PLCB1: variants seen among roughly 807,000 people sequenced by gnomAD.
PLCB1 encodes the protein phospholipase C beta 1.
Under a neutral mutation model 161.8 loss-of-function variants are expected in PLCB1, and 46 were observed. The observed-to-expected ratio is 0.28, with a 90% CI of 0.22 to 0.36. The LOEUF is 0.36. Among genes scored for constraint, PLCB1 ranks in the 10% least tolerant of loss-of-function variants. The pLI is 1.00. For missense variants in PLCB1, 1,016 were observed against 1,472.5 expected, an observed-to-expected ratio of 0.69 and a Z score of 5.07; for synonymous variants, 517 against 503.7, an observed-to-expected ratio of 1.03 and a Z score of -0.35.
In PLCB1 at chr20:8,883,145, T is replaced by C. The variant is rs2146339388; in HGVS notation, c.*1296T>C. ...GCAAGATCAAAAATTAGATGTTAAG[T>C]ATCAGATTTTAAGCTTGTTTTAATG... is the stretch of plus-strand genomic sequence containing the variant. On this transcript the variant is annotated 3_prime_UTR_variant, in exon 32 of 32. Coordinates refer to ENST00000338037, the MANE Select transcript of PLCB1 (RefSeq NM_015192.4). 1 of 152,322 alleles carries C rather than the reference T, an allele frequency of 6.6e-6. No individual in the cohort carries two copies. The highest frequency in any genetic ancestry group is 2.4e-5 in the African/African-American group (1 of 41,574). 9.4% of individuals were successfully genotyped at this position (152,322 alleles called of 1,614,324 possible). A position where few individuals can be genotyped will look rare whatever the true frequency, so the allele number is the denominator to read the frequency against.
intron 31 of PLCB1, among the ~76,000 whole-genome samples, chr20:8,800,481 A>G (rs890943423): frequency 6.6e-6 from 1 of 152,160 alleles, no homozygotes; most frequent in African/African-American, 2.4e-5. Context: ...ATTTATACAG[A>G]CACACGAACA....
chr20:8,283,136 C>T (rs1982953520), intron 2 of PLCB1, among the ~76,000 whole-genome samples: 1 of 152,138 alleles, frequency 6.6e-6, no homozygotes, highest in Non-Finnish European at 1.5e-5. Context: ...TCTGGACATT[C>T]CCAGAAGTGA....
At chr20:8,222,075 A>G (rs1979443650) in intron 2 of PLCB1, among the ~76,000 whole-genome samples, 1 of 152,196 alleles carries the variant, frequency 6.6e-6, no homozygotes. Context: ...TTACACCTAC[A>G]TACTTTCTGA....
At chr20:8,526,935 A>G in intron 3 of PLCB1, among the ~76,000 whole-genome samples, 1 of 130,706 alleles carries the variant, frequency 7.7e-6, no homozygotes, top group African/African-American at 2.8e-5. Context: ...CTTTTAATAA[A>G]GAGCAGAGCA....
intron 31 of PLCB1, among the ~76,000 whole-genome samples, chr20:8,846,099 T>C (rs149791984): frequency 1.3e-3 from 194 of 152,340 alleles, no homozygotes; most frequent in African/African-American, 4.5e-3. Context: ...TAATTGGCTC[T>C]GCAGCCTGTA....
intron 2 of PLCB1, among the ~76,000 whole-genome samples, chr20:8,332,670 C>T (rs1431558641): frequency 1.3e-5 from 2 of 152,200 alleles, no homozygotes; most frequent in Non-Finnish European, 2.9e-5. Context: ...TAGTCAGACT[C>T]TAGTGACAGT....
chr20:8,344,708 T>G (rs1985934770), intron 2 of PLCB1, among the ~76,000 whole-genome samples: 2 of 152,182 alleles, frequency 1.3e-5, no homozygotes. Flanking sequence ...AACCAGATCC[T>G]AAACTCAATC....
At chr20:8,784,834 A>G (rs1017823830) in intron 27 of PLCB1, among the ~76,000 whole-genome samples, 2 of 152,158 alleles carry the variant, frequency 1.3e-5, no homozygotes, top group African/African-American at 4.8e-5. Context: ...CACCAAACCT[A>G]TATAATTTTA....
intron 3 of PLCB1, among the ~76,000 whole-genome samples, chr20:8,457,714 G>GCACACACACACACA (rs145581916): frequency 4.8e-5 from 7 of 145,768 alleles, no homozygotes; most frequent in African/African-American, 1.3e-4. Flanking sequence ...ATGTGTGCGC[G>GCACACACACACACA]CACACACACA....
intron 3 of PLCB1, among the ~76,000 whole-genome samples, chr20:8,523,496 C>CTCTCTCTCTCTCTCTCTCTATA: frequency 9.1e-4 from 47 of 51,636 alleles, no homozygotes; most frequent in Non-Finnish European, 1.5e-3. Flanking sequence ...CTCTCTCTCT[C>CTCTCTCTCTCTCTCTCTCTATA]TATATATATA....
chr20:8,655,571 G>A (rs1017615721), intron 7 of PLCB1, among the ~76,000 whole-genome samples: 2 of 152,076 alleles, frequency 1.3e-5, no homozygotes, highest in South Asian at 4.2e-4. Flanking sequence ...ATAAATAGAC[G>A]GGAAGGAAAA....
intron 3 of PLCB1, among the ~76,000 whole-genome samples, chr20:8,544,884 GT>G (rs34588603): frequency 0.34 from 51,878 of 151,960 alleles, 9,311 homozygotes; most frequent in African/African-American, 0.37. Context: ...TAAAGAGAGG[GT>G]ATCTGTAACA....
intron 3 of PLCB1, among the ~76,000 whole-genome samples, chr20:8,439,050 G>A (rs1365825666): frequency 6.6e-6 from 1 of 152,204 alleles, no homozygotes; most frequent in South Asian, 2.1e-4. Context: ...ATTATTTTAA[G>A]CAGCTCTTTA....
chr20:8,744,620 T>TAAAATAAAATAAAATA (rs1981062445), intron 23 of PLCB1, among the ~76,000 whole-genome samples: 1 of 105,034 alleles, frequency 9.5e-6, no homozygotes, highest in African/African-American at 4.1e-5. Flanking sequence ...ATAAAATAAA[T>TAAAATAAAATAAAATA]AAAATAAAAT....
At chr20:8,818,536 C>A (rs1267592941) in intron 31 of PLCB1, among the ~76,000 whole-genome samples, 2 of 152,010 alleles carry the variant, frequency 1.3e-5, no homozygotes, top group Non-Finnish European at 2.9e-5. Context: ...TCAGAATAAT[C>A]TACAGATAAG....
intron 2 of PLCB1, among the ~76,000 whole-genome samples, chr20:8,368,547 A>AAG (rs1986798917): frequency 6.6e-6 from 1 of 150,676 alleles, no homozygotes; most frequent in Non-Finnish European, 1.5e-5. Flanking sequence ...AAAAAAAAAA[A>AAG]AAAGAAAAAG....
At chr20:8,684,667 CTT>C (rs1990315705) in intron 9 of PLCB1, among the ~76,000 whole-genome samples, 1 of 152,062 alleles carries the variant, frequency 6.6e-6, no homozygotes, top group Non-Finnish European at 1.5e-5. Context: ...TAATACCAGT[CTT>C]ACATTGGAAA....
At chr20:8,705,027 G>T (rs1356457308) in intron 11 of PLCB1, among the ~76,000 whole-genome samples, 2 of 139,334 alleles carry the variant, frequency 1.4e-5, no homozygotes, top group East Asian at 4.3e-4. Flanking sequence ...CGTTGAATGA[G>T]GCCCATCCAC....
At chr20:8,560,465 A>G (rs1205228020) in intron 3 of PLCB1, among the ~76,000 whole-genome samples, 1 of 151,970 alleles carries the variant, frequency 6.6e-6, no homozygotes, top group African/African-American at 2.4e-5. Context: ...GGTTTTAAAA[A>G]AAAATACTGA....
Sources: allele counts gnomAD v4.1 joint callset (sites outside exome capture counted in the v4.1 genomes callset), GRCh38; gene constraint gnomAD v4.1.1; transcripts MANE v1.5; gene names NCBI Gene and HGNC (gene_info 2026-07-23, HGNC 2026-07-21).